The following SGCG variants were observed in gnomAD, a reference collection of about 807,000 sequenced individuals.
SGCG encodes gamma-sarcoglycan.
In SGCG, 26 loss-of-function variants were observed where a neutral mutation model predicts 29.3. That is an observed-to-expected ratio of 0.89 (90% CI 0.65 to 1.23). The LOEUF is 1.23. SGCG is among the 50% of genes most tolerant of loss of function. SGCG has a pLI of 0.00. For missense variants in SGCG, 353 were observed against 356.0 expected, an observed-to-expected ratio of 0.99 and a Z score of 0.07; for synonymous variants, 145 against 129.7, an observed-to-expected ratio of 1.12 and a Z score of -0.80.
chr13:23,263,475 A>G (rs1201755401), intron 4 of SGCG, among the ~76,000 whole-genome samples: 1 of 152,040 alleles, frequency 6.6e-6, no homozygotes, highest in Non-Finnish European at 1.5e-5. Flanking sequence ...ATGAGATTGA[A>G]TCAGTAATAG....
the SGCG span, among the ~76,000 whole-genome samples, chr13:23,168,595 C>T: frequency 6.6e-6 from 1 of 152,170 alleles, no homozygotes; most frequent in Non-Finnish European, 1.5e-5. Flanking sequence ...TTAATTGCAT[C>T]ACTGTAACCT....
At chr13:23,262,078 G>A (rs558907551) in intron 4 of SGCG, among the ~76,000 whole-genome samples, 10 of 151,882 alleles carry the variant, frequency 6.6e-5, no homozygotes, top group Admixed American at 3.3e-4. Flanking sequence ...ATTCACAGGG[G>A]TTATAAAACA....
intron 5 of SGCG, among the ~76,000 whole-genome samples, chr13:23,284,398 G>A (rs1382012263): frequency 3.3e-5 from 5 of 151,778 alleles, no homozygotes; most frequent in South Asian, 4.2e-4. Context: ...TGATCAATTC[G>A]GCTATTGATA....
chr13:23,170,495 A>G, the SGCG span: 1 of 152,248 alleles, frequency 6.6e-6, no homozygotes, highest in Non-Finnish European at 1.5e-5. Context: ...GAGCTTGTCT[A>G]TGTGTCCATG....
Position 23,270,562 on chromosome 13 carries a change from C to G in SGCG, c.386-8797C>G, listed in dbSNP as rs554285577. On this transcript the variant is annotated intron_variant, in intron 4 of 7. Coordinates refer to ENST00000218867, the MANE Select transcript of SGCG (RefSeq NM_000231.3). The stretch of plus-strand genomic sequence containing the variant: ...TCCTCAGTAGTTAAGAATTCTTTAC[C>G]AATTAGGCATTTTAACTTTCTGCCC... Among the ~76,000 whole-genome samples the G allele has an allele frequency of 1.6e-4, 25 of 152,166 alleles. No homozygotes were observed. The East Asian group carries it at 4.4e-3, about 27-fold the overall frequency.
Position 23,303,912 on chromosome 13 carries a change from C to T in SGCG, c.578+8425C>T, listed in dbSNP as rs182923595. 1.6e-3 allele frequency among the ~76,000 whole-genome samples: 197 copies of T among 126,862 alleles called. 3 individuals are homozygous for T. Among genetic ancestry groups the T allele is most frequent in the Non-Finnish European group, 2.0e-3 (117 of 57,764 alleles). The allele number at this position is 126,862 out of a possible 152,430, so 83.2% of individuals were successfully genotyped here. A position where few individuals can be genotyped will look rare whatever the true frequency, so the allele number is the denominator to read the frequency against. On this transcript the variant is annotated intron_variant, in intron 6 of 7. Coordinates refer to ENST00000218867, the MANE Select transcript of SGCG (RefSeq NM_000231.3). ...ATTCTATTTTCCTTTCCCCATGGCT[C>T]CCAACACAATGTGTTTTAAATATTT...
At chr13:23,310,919 T>A (rs1288202085) in intron 6 of SGCG, among the ~76,000 whole-genome samples, 1 of 152,220 alleles carries the variant, frequency 6.6e-6, no homozygotes, top group East Asian at 1.9e-4. Flanking sequence ...CAGCATTGCT[T>A]TTATTCATCT....
intron 4 of SGCG, among the ~76,000 whole-genome samples, chr13:23,270,256 G>C (rs1880820112): frequency 6.6e-6 from 1 of 152,192 alleles, no homozygotes; most frequent in Non-Finnish European, 1.5e-5. Flanking sequence ...GTTTTGTTCA[G>C]TTTTATCAAA....
intron 1 of SGCG, among the ~76,000 whole-genome samples, chr13:23,198,100 T>A (rs1877584198): frequency 6.6e-6 from 1 of 152,250 alleles, no homozygotes; most frequent in Non-Finnish European, 1.5e-5. Context: ...TTCGAACTAT[T>A]ATAACTCATT....
At chr13:23,266,166 A>G (rs549031578) in intron 4 of SGCG, among the ~76,000 whole-genome samples, 2 of 151,792 alleles carry the variant, frequency 1.3e-5, no homozygotes, top group African/African-American at 4.8e-5. Flanking sequence ...CAGCTACTCA[A>G]GAGGCTGAGG....
At position 23,324,614 on chromosome 13, in the gene SGCG, C is replaced by A. The variant is rs1436245521; in HGVS notation, c.*73C>A. ...TCACACCCAGGGAGCAGCTGCACATCGTGAAAGACTGAGGCAGCGTGGATG... is the reference window on the plus strand; with the variant it reads ...TCACACCCAGGGAGCAGCTGCACATAGTGAAAGACTGAGGCAGCGTGGATG... On this transcript the variant is annotated 3_prime_UTR_variant, in exon 8 of 8. Transcript: ENST00000218867. 5.9e-6 allele frequency: 8 copies of A among 1,352,846 alleles called. No individual in the cohort carries two copies. The highest frequency in any genetic ancestry group is 5.2e-6 in the Non-Finnish European group (5 of 957,696). The allele number at this position is 1,352,846 out of a possible 1,614,324, so 83.8% of individuals were successfully genotyped here. A position where few individuals can be genotyped will look rare whatever the true frequency, so the allele number is the denominator to read the frequency against.
upstream of SGCG, among the ~76,000 whole-genome samples, chr13:23,178,775 A>G (rs1876637580): frequency 6.6e-6 from 1 of 152,168 alleles, no homozygotes; most frequent in African/African-American, 2.4e-5. Context: ...CGACATCACT[A>G]CTGAAATTCC....
chr13:23,200,671 A>G (rs1405632674), intron 1 of SGCG, among the ~76,000 whole-genome samples: 2 of 152,116 alleles, frequency 1.3e-5, no homozygotes, highest in Non-Finnish European at 2.9e-5. Flanking sequence ...GCTACAGAAG[A>G]AAAAATGTCA....
chr13:23,211,781 T>G (rs79009314), intron 2 of SGCG, among the ~76,000 whole-genome samples: 3,276 of 152,250 alleles, frequency 0.022, 115 homozygotes, highest in African/African-American at 0.074. Flanking sequence ...TCTCTCTTGC[T>G]TCAGTGTTTT....
chr13:23,163,138 G>T, the SGCG span, among the ~76,000 whole-genome samples: 2 of 152,118 alleles, frequency 1.3e-5, no homozygotes, highest in African/African-American at 4.8e-5. Flanking sequence ...GTTGACAGTG[G>T]TAACAATACA....
chr13:23,225,160 T>TG (rs1363417169), intron 2 of SGCG, among the ~76,000 whole-genome samples: 2 of 152,208 alleles, frequency 1.3e-5, no homozygotes, highest in Non-Finnish European at 2.9e-5. Context: ...GTAGGTTGAA[T>TG]GGTGATTCCC....
At chr13:23,170,136 G>A in the SGCG span, 1 of 152,322 alleles carries the variant, frequency 6.6e-6, no homozygotes, top group South Asian at 2.1e-4. Flanking sequence ...TAATCTCTGT[G>A]AACAAGAGAA....
rs141016481 is a variant in SGCG at position 23,294,536 on chromosome 13, T to C, written c.506-879T>C. ...CCCACTTCATTTTCCTATGTGAAAA[T>C]AGGAAATAGTCCCTGATGCCTTAAA... is the stretch of plus-strand genomic sequence containing the variant. On this transcript the variant is annotated intron_variant, in intron 5 of 7. Transcript: ENST00000218867. 3.3e-3 allele frequency among the ~76,000 whole-genome samples: 502 copies of C among 152,350 alleles called. 5 individuals are homozygous for C. The highest frequency in any genetic ancestry group is 6.8e-3 in the Middle Eastern group (2 of 294).
intron 1 of SGCG, among the ~76,000 whole-genome samples, chr13:23,189,456 G>A (rs559306192): frequency 1.4e-4 from 21 of 152,318 alleles, no homozygotes; most frequent in South Asian, 1.2e-3. Context: ...AATTACAGGC[G>A]TGAGCCACTG....
Sources: allele counts gnomAD v4.1 joint callset (sites outside exome capture counted in the v4.1 genomes callset), GRCh38; gene constraint gnomAD v4.1.1; transcripts MANE v1.5; gene names NCBI Gene and HGNC (gene_info 2026-07-23, HGNC 2026-07-21).